Variants in NAALADL2 observed in about 807,000 individuals in gnomAD.
NAALADL2 encodes the protein inactive N-acetylated-alpha-linked acidic dipeptidase-like protein 2.
In NAALADL2, 76 loss-of-function variants were observed where a neutral mutation model predicts 87.2. The observed-to-expected ratio is 0.87, with a 90% confidence interval of 0.72 to 1.05. The LOEUF is 1.05. NAALADL2 is among the 50% of genes least tolerant of loss of function. The pLI, the probability that NAALADL2 is intolerant of heterozygous loss-of-function variation, is 0.00. For synonymous variants in NAALADL2, 354 were observed against 331.0 expected, an observed-to-expected ratio of 1.07 and a Z score of -0.75; for missense variants, 1,089 against 945.8, an observed-to-expected ratio of 1.15 and a Z score of -1.99.
chr3:175,479,996 T>C, intron 9 of NAALADL2, among the ~76,000 whole-genome samples: 1 of 151,784 alleles, frequency 6.6e-6, no homozygotes, highest in South Asian at 2.1e-4. Flanking sequence ...AACACTGCAC[T>C]GATGTAGGGA....
At chr3:175,379,775 A>AT (rs1767572625) in intron 5 of NAALADL2, among the ~76,000 whole-genome samples, 1 of 152,088 alleles carries the variant, frequency 6.6e-6, no homozygotes, top group Admixed American at 6.5e-5. Context: ...AATATGGCTT[A>AT]TTATCAAGGC....
chr3:175,410,689 C>T (rs1713340466), intron 5 of NAALADL2, among the ~76,000 whole-genome samples: 1 of 152,110 alleles, frequency 6.6e-6, no homozygotes, highest in Non-Finnish European at 1.5e-5. Context: ...GCTGGTAGCC[C>T]AACCTAGACT....
chr3:174,865,683 A>T (rs1360268314), intron 1 of NAALADL2, among the ~76,000 whole-genome samples: 1 of 151,942 alleles, frequency 6.6e-6, no homozygotes, highest in Admixed American at 6.6e-5. Flanking sequence ...GTTATAACAC[A>T]GGGATGTAAA....
intron 2 of NAALADL2, among the ~76,000 whole-genome samples, chr3:175,159,219 A>G (rs1732765685): frequency 6.6e-6 from 1 of 152,194 alleles, no homozygotes; most frequent in African/African-American, 2.4e-5. Context: ...AAAATCAGCC[A>G]ATCATATCTG....
intron 9 of NAALADL2, among the ~76,000 whole-genome samples, chr3:175,527,305 G>A (rs151207883): frequency 1.1e-4 from 16 of 152,256 alleles, no homozygotes; most frequent in African/African-American, 3.6e-4. Context: ...CAACATTGTA[G>A]CTATAGACGG....
intron 11 of NAALADL2, among the ~76,000 whole-genome samples, chr3:175,683,579 A>G (rs1036832293): frequency 2.6e-5 from 4 of 151,986 alleles, no homozygotes; most frequent in Non-Finnish European, 5.9e-5. Flanking sequence ...GATATATACA[A>G]GTTTCTATTT....
chr3:175,738,443 C>T (rs1744810770), intron 12 of NAALADL2, among the ~76,000 whole-genome samples: 1 of 152,132 alleles, frequency 6.6e-6, no homozygotes, highest in South Asian at 2.1e-4. Flanking sequence ...GATGGGGTTT[C>T]ACCGTGTTGT....
intron 2 of NAALADL2, among the ~76,000 whole-genome samples, chr3:174,636,644 T>C (rs1187620775): frequency 6.6e-6 from 1 of 151,802 alleles, no homozygotes; most frequent in East Asian, 1.9e-4. Flanking sequence ...TATTAAAAAG[T>C]CAGAAAAAGA....
intron 1 of NAALADL2, among the ~76,000 whole-genome samples, chr3:174,975,074 A>G (rs1455030227): frequency 6.6e-6 from 1 of 152,156 alleles, no homozygotes; most frequent in Non-Finnish European, 1.5e-5. Flanking sequence ...CTGATGCACT[A>G]GCATCAGGTT....
intron 2 of NAALADL2, among the ~76,000 whole-genome samples, chr3:175,103,148 T>A (rs6443286): frequency 0.52 from 78,147 of 150,518 alleles, 20,631 homozygotes; most frequent in Non-Finnish European, 0.57. Context: ...AACAATACCA[T>A]GATGAATAAC....
chr3:175,372,793 A>G (rs780282516), intron 5 of NAALADL2, among the ~76,000 whole-genome samples: 11 of 152,220 alleles, frequency 7.2e-5, no homozygotes, highest in Non-Finnish European at 1.2e-4. Context: ...ACCTTGCAGT[A>G]TTTTAGGATG....
chr3:174,647,506 G>C (rs1023293744), intron 2 of NAALADL2, among the ~76,000 whole-genome samples: 6 of 152,154 alleles, frequency 3.9e-5, no homozygotes, highest in South Asian at 2.1e-4. Flanking sequence ...GATTTTTTGA[G>C]ACAATCTCAA....
intron 9 of NAALADL2, among the ~76,000 whole-genome samples, chr3:175,502,926 CT>C (rs34588221): frequency 0.38 from 54,923 of 145,830 alleles, 12,204 homozygotes; most frequent in African/African-American, 0.63. Flanking sequence ...TTTTTTTTCT[CT>C]TTTTTTTTTT....
chr3:174,869,283 A>C (rs976236550), intron 1 of NAALADL2, among the ~76,000 whole-genome samples: 1 of 152,172 alleles, frequency 6.6e-6, no homozygotes, highest in African/African-American at 2.4e-5. Context: ...AAATGACCAC[A>C]CTTTGGAAAT....
intron 1 of NAALADL2, among the ~76,000 whole-genome samples, chr3:175,048,508 A>ATTT (rs11346343): frequency 2.9e-5 from 4 of 136,088 alleles, no homozygotes; most frequent in Middle Eastern, 3.7e-3. Flanking sequence ...TTCTAAAACC[A>ATTT]TTTTTTTTTT....
intron 10 of NAALADL2, among the ~76,000 whole-genome samples, chr3:175,615,304 C>T (rs914242213): frequency 1.3e-5 from 2 of 152,044 alleles, no homozygotes; most frequent in Non-Finnish European, 2.9e-5. Context: ...TTTCTTCACC[C>T]TTGTAAGCCT....
At chr3:174,815,841 T>G (rs1040016482) in intron 3 of NAALADL2, among the ~76,000 whole-genome samples, 36 of 149,322 alleles carry the variant, frequency 2.4e-4, no homozygotes, top group African/African-American at 8.3e-4. Context: ...TTTTTTTTTT[T>G]TTTTTTTTTT....
intron 6 of NAALADL2, among the ~76,000 whole-genome samples, chr3:175,449,845 TC>T (rs1332680803): frequency 6.6e-6 from 1 of 152,242 alleles, no homozygotes; most frequent in Non-Finnish European, 1.5e-5. Flanking sequence ...AGGCCTACTT[TC>T]TAAGGGATTA....
At chr3:174,689,978 A>T (rs915582020) in intron 2 of NAALADL2, among the ~76,000 whole-genome samples, 1 of 152,116 alleles carries the variant, frequency 6.6e-6, no homozygotes, top group Non-Finnish European at 1.5e-5. Context: ...TCTAAAAAAA[A>T]AAAGGTCCTG....
Sources: allele counts gnomAD v4.1 joint callset (sites outside exome capture counted in the v4.1 genomes callset), GRCh38; gene constraint gnomAD v4.1.1; transcripts MANE v1.5; gene names NCBI Gene and HGNC (gene_info 2026-07-23, HGNC 2026-07-21).